Variants in GTF2IRD1 observed in about 807,000 individuals in gnomAD.
The protein encoded by GTF2IRD1 is general transcription factor II-I repeat domain-containing protein 1.
In GTF2IRD1, 26 loss-of-function variants were observed where a neutral mutation model predicts 113.2. The observed-to-expected ratio is 0.23, with a 90% CI of 0.17 to 0.32. The LOEUF is 0.32. Among genes scored for constraint, GTF2IRD1 ranks in the 10% least tolerant of loss-of-function variants. The pLI is 1.00. For synonymous variants in GTF2IRD1, 484 were observed against 529.1 expected (o/e 0.91, Z 1.17); for missense variants, 864 against 1,280.8 (o/e 0.67, Z 4.97).
At chr7:74,493,346 A>G (rs1795473863) in intron 1 of GTF2IRD1, among the ~76,000 whole-genome samples, 1 of 151,780 alleles carries the variant, frequency 6.6e-6, no homozygotes, top group Admixed American at 6.6e-5. Flanking sequence ...TCCTGGGCTC[A>G]AGCAATCCTC....
At chr7:74,539,735 C>T (rs1798517552) in intron 13 of GTF2IRD1, 144 bp from the exon 14 acceptor site, 1 of 571,978 alleles carries the variant, frequency 1.7e-6, no homozygotes, top group Admixed American at 3.0e-5. Flanking sequence ...CAGAGTGAGA[C>T]TCCATCTCAA....
intron 22 of GTF2IRD1, among the ~76,000 whole-genome samples, chr7:74,577,431 T>C (rs1167345298): frequency 6.6e-6 from 1 of 152,170 alleles, no homozygotes; most frequent in Non-Finnish European, 1.5e-5. Flanking sequence ...TTTTCTCTAT[T>C]TGAAGTAAGG....
rs1464318994 is a variant in GTF2IRD1 at position 74,557,538 on chromosome 7, G to A, written c.2024-101G>A. On this transcript the variant is annotated intron_variant, in intron 19 of 26. Coordinates refer to ENST00000424337, the MANE Select transcript of GTF2IRD1 (RefSeq NM_005685.4). ...CCACTCCAAAGATCCTTTAATTGCC[G>A]GAGAAGGAGTTCCCCATAATTAGAA... 21 of 732,904 alleles carry A rather than the reference G, an allele frequency of 2.9e-5. No homozygotes were observed. In the Admixed American group the frequency reaches 3.0e-4, roughly 11 times the overall value. The allele number at this position is 732,904 out of a possible 1,614,324, so 45.4% of individuals were successfully genotyped here. A position where few individuals can be genotyped will look rare whatever the true frequency, so the allele number is the denominator to read the frequency against.
chr7:74,479,871 G>A (rs1794636802), intron 1 of GTF2IRD1, among the ~76,000 whole-genome samples: 2 of 148,768 alleles, frequency 1.3e-5, no homozygotes, highest in Non-Finnish European at 1.5e-5. Flanking sequence ...TCCTGTCTCA[G>A]CCTCCTGAGT....
chr7:74,560,187 G>A (rs1478704563), intron 22 of GTF2IRD1, among the ~76,000 whole-genome samples: 1 of 152,224 alleles, frequency 6.6e-6, no homozygotes, highest in African/African-American at 2.4e-5. Context: ...AGAGAAAGGG[G>A]TGGTGGCGTC....
Position 74,517,427 on chromosome 7 carries a change from C to CTTTTTTTTTTTTTTTTTT in GTF2IRD1, c.422-706_422-689dup, listed in dbSNP as rs59499031. On this transcript the variant is annotated intron_variant, in intron 4 of 26. Transcript: ENST00000424337. ...GGTCTCTCTCCCTTCCTCCCTACAC[C>CTTTTTTTTTTTTTTTTTT]TTTTTTTTTTTTTTTTTTTTTTTGA... is the stretch of plus-strand genomic sequence containing the variant. Among the ~76,000 whole-genome samples the CTTTTTTTTTTTTTTTTTT allele has an allele frequency of 2.6e-5, 2 of 77,402 alleles. 1 individual carries two copies. The allele number at this position is 77,402 out of a possible 152,430, so 50.8% of individuals were successfully genotyped here.
intron 2 of GTF2IRD1, among the ~76,000 whole-genome samples, chr7:74,509,675 T>C (rs1303292605): frequency 6.6e-6 from 1 of 152,074 alleles, no homozygotes; most frequent in Admixed American, 6.5e-5. Context: ...TGTTTTGTTT[T>C]GTTTTGTTTT....
chr7:74,555,062 A>G lies in GTF2IRD1; in HGVS notation c.1917-112A>G. 1 of 949,522 alleles carries G rather than the reference A, an allele frequency of 1.1e-6. No individual in the cohort carries two copies. The highest frequency in any genetic ancestry group is 1.6e-6 in the Non-Finnish European group (1 of 619,182). The allele number at this position is 949,522 out of a possible 1,614,324, so 58.8% of individuals were successfully genotyped here. On this transcript the variant is annotated intron_variant, in intron 17 of 26. Coordinates refer to ENST00000424337, the MANE Select transcript of GTF2IRD1 (RefSeq NM_005685.4). The surrounding 1 kb of genome is among the most constrained non-coding windows in gnomAD (Gnocchi z 5.3). Reference sequence around the variant, plus strand: ...GGGACTCCAGGCCTGAACTATGCATAGCCAGAAGGGTCCATTGCAGGGCTG... The same window carrying G: ...GGGACTCCAGGCCTGAACTATGCATGGCCAGAAGGGTCCATTGCAGGGCTG...
At chr7:74,475,244 A>G (rs1166201422) in intron 1 of GTF2IRD1, among the ~76,000 whole-genome samples, 1 of 152,226 alleles carries the variant, frequency 6.6e-6, no homozygotes, top group Non-Finnish European at 1.5e-5. Flanking sequence ...TGACAGAGCA[A>G]GAGACCCTGT....
intron 1 of GTF2IRD1, among the ~76,000 whole-genome samples, chr7:74,480,159 T>C (rs1047994307): frequency 3.3e-5 from 5 of 152,000 alleles, no homozygotes; most frequent in African/African-American, 1.2e-4. Context: ...TTTTTTTTTT[T>C]CCCAGTAGTC....
chr7:74,517,395 C>G (rs1028046191), intron 4 of GTF2IRD1, among the ~76,000 whole-genome samples: 14 of 150,402 alleles, frequency 9.3e-5, no homozygotes, highest in African/African-American at 3.2e-4. Context: ...TTTCTCTCCC[C>G]CCTCTCGGTC....
In GTF2IRD1 at chr7:74,555,047, G is replaced by A; in HGVS notation, c.1917-127G>A. 1 of 830,002 alleles carries A rather than the reference G, an allele frequency of 1.2e-6. No individual in the cohort carries two copies. The highest frequency in any genetic ancestry group is 1.9e-6 in the Non-Finnish European group (1 of 522,928). 51.4% of individuals were successfully genotyped at this position (830,002 alleles called of 1,614,324 possible). The stretch of plus-strand genomic sequence containing the variant: ...ACATGTGGGGCGGCAGGGACTCCAG[G>A]CCTGAACTATGCATAGCCAGAAGGG... On this transcript the variant is annotated intron_variant, in intron 17 of 26. Coordinates refer to ENST00000424337, the MANE Select transcript of GTF2IRD1 (RefSeq NM_005685.4). This position sits in a 1 kb window ranked among gnomAD's most constrained non-coding sequence, Gnocchi z 5.3.
At chr7:74,465,065 C>A (rs1394308392) in intron 1 of GTF2IRD1, among the ~76,000 whole-genome samples, 1 of 152,228 alleles carries the variant, frequency 6.6e-6, no homozygotes, top group Non-Finnish European at 1.5e-5. Flanking sequence ...CTCTCTCAGT[C>A]TGATGTTTCT....
chr7:74,578,627 C>G (rs1801224439), intron 22 of GTF2IRD1, among the ~76,000 whole-genome samples: 1 of 152,124 alleles, frequency 6.6e-6, no homozygotes, highest in South Asian at 2.1e-4. Flanking sequence ...TGGAATTTTA[C>G]CATGATGCAA....
intron 1 of GTF2IRD1, among the ~76,000 whole-genome samples, chr7:74,475,457 C>G (rs748959774): frequency 5.9e-5 from 9 of 152,128 alleles, no homozygotes; most frequent in Non-Finnish European, 1.3e-4. Context: ...TAGACCCAGA[C>G]CTCCTGGGGC....
chr7:74,539,781 C>G, intron 13 of GTF2IRD1, 98 bp from the exon 14 acceptor site: 1 of 782,118 alleles, frequency 1.3e-6, no homozygotes, highest in Admixed American at 2.3e-5. Flanking sequence ...GAAAAGGACC[C>G]TTGTCTGTGG....
intron 26 of GTF2IRD1, 81 bp from the exon 27 acceptor site, chr7:74,602,284 T>C (rs781922572): frequency 1.7e-5 from 25 of 1,502,996 alleles, no homozygotes; most frequent in Non-Finnish European, 1.9e-5. Flanking sequence ...GAGAAAGCTC[T>C]TCCAAAAGCA....
intron 1 of GTF2IRD1, among the ~76,000 whole-genome samples, chr7:74,504,394 A>G (rs1205684372): frequency 2.0e-5 from 3 of 152,186 alleles, no homozygotes; most frequent in African/African-American, 7.2e-5. Flanking sequence ...GTGGCCTAGG[A>G]CTGAGGGGTT....
intron 1 of GTF2IRD1, among the ~76,000 whole-genome samples, chr7:74,466,968 G>A (rs564757737): frequency 9.0e-6 from 1 of 111,536 alleles, no homozygotes; most frequent in South Asian, 2.8e-4. Flanking sequence ...TTTTTTTTTT[G>A]GAGACAGGGT....
Sources: allele counts gnomAD v4.1 joint callset (sites outside exome capture counted in the v4.1 genomes callset), GRCh38; gene constraint gnomAD v4.1.1; non-coding constraint Gnocchi (gnomAD v3.1); transcripts MANE v1.5; gene names NCBI Gene and HGNC (gene_info 2026-07-23, HGNC 2026-07-21).